The following ST18 variants were observed in gnomAD, a reference collection of about 807,000 sequenced individuals.
ST18 encodes suppression of tumorigenicity 18 protein.
A neutral mutation model predicts 110.0 loss-of-function variants in ST18; 50 were observed. The observed-to-expected ratio is 0.45, with a 90% CI of 0.36 to 0.58. ST18 has a LOEUF of 0.58. Among genes scored for constraint, ST18 ranks in the 20% least tolerant of loss-of-function variants. ST18 has a pLI of 0.00. For missense variants in ST18, 1,306 were observed against 1,280.1 expected, an observed-to-expected ratio of 1.02 and a Z score of -0.31; for synonymous variants, 461 against 452.4, an observed-to-expected ratio of 1.02 and a Z score of -0.24.
chr8:52,129,930 A>G (rs2131398542), intron 22 of ST18, among the ~76,000 whole-genome samples: 1 of 152,110 alleles, frequency 6.6e-6, no homozygotes, highest in East Asian at 1.9e-4. Flanking sequence ...CTGTAGTCCC[A>G]GCCACTCAGG....
Position 52,367,271 on chromosome 8 carries a change from A to ACACACACACACACAC in ST18, c.-465+42056_-465+42057insGTGTGTGTGTGTGTG, listed in dbSNP as rs760192022. Among the ~76,000 whole-genome samples, 20 of 9,844 alleles carry ACACACACACACACAC rather than the reference A, an allele frequency of 2.0e-3. 1 individual carries two copies. Among genetic ancestry groups the ACACACACACACACAC allele is most frequent in the Non-Finnish European group, 5.4e-3 (15 of 2,764 alleles). 6.5% of individuals were successfully genotyped at this position (9,844 alleles called of 152,430 possible). On this transcript the variant is annotated intron_variant, in intron 2 of 25. Coordinates refer to ENST00000689386, the MANE Select transcript of ST18 (RefSeq NM_001352837.2). ...ACACACACACACACACACACACACAAAGATTTTACCTTCTAGGTCGCATGC... is the reference window on the plus strand; with the variant it reads ...ACACACACACACACACACACACACAACACACACACACACACAGATTTTACCTTCTAGGTCGCATGC...
chr8:52,347,794 T>G (rs1818418733), intron 2 of ST18, among the ~76,000 whole-genome samples: 1 of 152,182 alleles, frequency 6.6e-6, no homozygotes, highest in Non-Finnish European at 1.5e-5. Flanking sequence ...GGGGAAATGG[T>G]GGAGCCTGGA....
intron 23 of ST18, among the ~76,000 whole-genome samples, chr8:52,123,975 G>A (rs1418145029): frequency 1.3e-5 from 2 of 152,164 alleles, no homozygotes; most frequent in African/African-American, 4.8e-5. Flanking sequence ...GTTCCAGAAG[G>A]AGTTTTGCTC....
chr8:52,268,350 A>G (rs1382885238), intron 2 of ST18, among the ~76,000 whole-genome samples: 1 of 152,206 alleles, frequency 6.6e-6, no homozygotes, highest in African/African-American at 2.4e-5. Context: ...AAGGACACAC[A>G]TGAAGGAAGA....
At chr8:52,267,765 C>T (rs1169347423) in intron 2 of ST18, among the ~76,000 whole-genome samples, 1 of 152,182 alleles carries the variant, frequency 6.6e-6, no homozygotes, top group Non-Finnish European at 1.5e-5. Context: ...ACACACTTCA[C>T]CTGGGAATCC....
chr8:52,355,926 T>G (rs1316678283), intron 2 of ST18, among the ~76,000 whole-genome samples: 2 of 152,154 alleles, frequency 1.3e-5, no homozygotes, highest in African/African-American at 4.8e-5. Context: ...CTGGAAAGCT[T>G]TTGTTAAAAG....
intron 2 of ST18, among the ~76,000 whole-genome samples, chr8:52,231,410 G>A (rs1198732258): frequency 1.3e-5 from 2 of 151,936 alleles, no homozygotes; most frequent in Non-Finnish European, 2.9e-5. Context: ...TCACTGGTAA[G>A]TTCCTGACTC....
At chr8:52,206,100 C>A (rs1349680627) in intron 8 of ST18, among the ~76,000 whole-genome samples, 3 of 152,156 alleles carry the variant, frequency 2.0e-5, no homozygotes, top group African/African-American at 2.4e-5. Flanking sequence ...TGAGTCCTGT[C>A]TCTGATTCAG....
At chr8:52,154,918 TA>T (rs1249582927) in intron 15 of ST18, 3 of 148,990 alleles carry the variant, frequency 2.0e-5, no homozygotes, top group Admixed American at 2.0e-4. Context: ...AGAATCAAAA[TA>T]AAGCTGGTAT....
intron 7 of ST18, among the ~76,000 whole-genome samples, 184 bp from the exon 8 acceptor site, chr8:52,212,293 G>A (rs6473694): frequency 0.12 from 18,950 of 152,038 alleles, 2,776 homozygotes; most frequent in African/African-American, 0.35. Flanking sequence ...GAACAGACCG[G>A]CTGTGGGTTT....
At chr8:52,346,827 G>A (rs1178639646) in intron 2 of ST18, among the ~76,000 whole-genome samples, 3 of 152,148 alleles carry the variant, frequency 2.0e-5, no homozygotes, top group Non-Finnish European at 2.9e-5. Context: ...AGGACTAAAT[G>A]GAATGAGTGG....
chr8:52,314,613 G>T (rs1441708648), intron 2 of ST18, among the ~76,000 whole-genome samples: 1 of 152,168 alleles, frequency 6.6e-6, no homozygotes, highest in Non-Finnish European at 1.5e-5. Flanking sequence ...CCGTTTTGCT[G>T]ATGGTCCCTT....
At chr8:52,356,526 C>T (rs1822828297) in intron 2 of ST18, among the ~76,000 whole-genome samples, 1 of 152,084 alleles carries the variant, frequency 6.6e-6, no homozygotes, top group South Asian at 2.1e-4. Flanking sequence ...AGAGTTGTCA[C>T]ATTATAATAT....
chr8:52,170,515 C>T (rs545086300), intron 10 of ST18, among the ~76,000 whole-genome samples: 1 of 151,506 alleles, frequency 6.6e-6, no homozygotes, highest in African/African-American at 2.4e-5. Flanking sequence ...GAAATGATAT[C>T]TCTTAAGATC....
chr8:52,406,066 A>C (rs1180602329), intron 2 of ST18: 1 of 152,212 alleles, frequency 6.6e-6, no homozygotes, highest in African/African-American at 2.4e-5. Context: ...CTTATTTGCC[A>C]TCATTTTAGT....
chr8:52,379,101 T>TTA (rs80034051), intron 2 of ST18, among the ~76,000 whole-genome samples: 1 of 12,102 alleles, frequency 8.3e-5, no homozygotes, highest in African/African-American at 9.0e-5. Context: ...TTCTTTTCTT[T>TTA]CTTTTTTTTT....
intron 17 of ST18, among the ~76,000 whole-genome samples, chr8:52,140,935 A>T (rs2054759495): frequency 1.3e-5 from 2 of 152,218 alleles, no homozygotes; most frequent in South Asian, 4.1e-4. Flanking sequence ...TTCAAACAGC[A>T]GGTCCATGTG....
intron 8 of ST18, chr8:52,201,369 G>A (rs2077904900): frequency 6.6e-6 from 1 of 152,182 alleles, no homozygotes; most frequent in Non-Finnish European, 1.5e-5. Flanking sequence ...TATTCTCACA[G>A]GGGCAATCTG....
chr8:52,397,768 C>T (rs920808676), intron 2 of ST18, among the ~76,000 whole-genome samples: 9 of 152,076 alleles, frequency 5.9e-5, no homozygotes, highest in African/African-American at 2.2e-4. Context: ...ATATGCTTGA[C>T]TCTATTTCTG....
Sources: gnomAD v4.1 joint callset for allele counts (sites outside exome capture counted in the v4.1 genomes callset) on GRCh38, gnomAD v4.1.1 for gene constraint, MANE v1.5 for transcripts, NCBI Gene and HGNC (gene_info 2026-07-23, HGNC 2026-07-21) for gene names.